Variants in HHAT observed in about 807,000 individuals in gnomAD.
HHAT encodes the protein hedgehog acyltransferase.
A neutral mutation model predicts 70.8 loss-of-function variants in HHAT; 47 were observed. That is an observed-to-expected ratio of 0.66 (90% CI 0.53 to 0.85). HHAT has a LOEUF of 0.85. Ranked by LOEUF, HHAT falls within the 40% of genes least tolerant of loss-of-function variation. HHAT has a pLI of 0.00. For missense variants in HHAT, 609 were observed against 604.8 expected (o/e 1.01, Z -0.07); for synonymous variants, 228 against 247.6 (o/e 0.92, Z 0.74).
chr1:210,435,901 A>G (rs2093364255), intron 7 of HHAT, among the ~76,000 whole-genome samples: 1 of 151,512 alleles, frequency 6.6e-6, no homozygotes, highest in Admixed American at 6.6e-5. Flanking sequence ...ATTTTCTCCC[A>G]TTCTGTGGGA....
At chr1:210,660,718 T>C (rs1179119886) in intron 11 of HHAT, among the ~76,000 whole-genome samples, 1 of 151,942 alleles carries the variant, frequency 6.6e-6, no homozygotes, top group Non-Finnish European at 1.5e-5. Context: ...AAAACAGAGA[T>C]ATAGACCAAT....
At position 210,359,883 on chromosome 1, in the gene HHAT, C is replaced by A. The variant is rs562936212; in HGVS notation, c.92-2969C>A. On this transcript the variant is annotated intron_variant, in intron 2 of 11. Coordinates refer to ENST00000261458, the MANE Select transcript of HHAT (RefSeq NM_018194.6). ...CTTCTGGGAAAAAACAAAAAAAAAACCCAGTCTCCGAATTTTTGGGAGACT... is the reference window on the plus strand; with the variant it reads ...CTTCTGGGAAAAAACAAAAAAAAAAACCAGTCTCCGAATTTTTGGGAGACT... Among the ~76,000 whole-genome samples, 35 of 150,364 alleles carry A rather than the reference C, an allele frequency of 2.3e-4. No homozygotes were observed. The East Asian group carries it at 2.4e-3, about 10-fold the overall frequency.
At chr1:210,498,762 G>GT (rs67506355) in intron 8 of HHAT, among the ~76,000 whole-genome samples, 54 of 143,664 alleles carry the variant, frequency 3.8e-4, no homozygotes, top group African/African-American at 9.5e-4. Context: ...CTTGCAGTCT[G>GT]TTTTTTTTTT....
intron 9 of HHAT, among the ~76,000 whole-genome samples, chr1:210,583,052 A>C (rs574119388): frequency 6.6e-6 from 1 of 152,310 alleles, no homozygotes; most frequent in South Asian, 2.1e-4. Context: ...GAACTACAAC[A>C]TTCTAGGAGC....
At chr1:210,614,563 C>T (rs1014038670) in intron 10 of HHAT, among the ~76,000 whole-genome samples, 1 of 152,088 alleles carries the variant, frequency 6.6e-6, no homozygotes, top group Non-Finnish European at 1.5e-5. Context: ...CCTCTCCCCT[C>T]CCCCCACCTC....
At chr1:210,598,662 G>A (rs114448295) in intron 10 of HHAT, among the ~76,000 whole-genome samples, 1,880 of 152,282 alleles carry the variant, frequency 0.012, 40 homozygotes, top group African/African-American at 0.043. Context: ...TCCCCCAAGT[G>A]TACAAGTTGT....
intron 10 of HHAT, among the ~76,000 whole-genome samples, chr1:210,615,876 C>T (rs546811155): frequency 8.1e-4 from 124 of 152,282 alleles, no homozygotes; most frequent in Middle Eastern, 3.4e-3. Context: ...TTAGGCTACT[C>T]GGGGGTCAGG....
intron 11 of HHAT, among the ~76,000 whole-genome samples, chr1:210,630,162 A>C (rs1208490686): frequency 1.3e-5 from 2 of 152,130 alleles, no homozygotes; most frequent in African/African-American, 4.8e-5. Context: ...CTCTCTTATA[A>C]TGACCTTTGT....
intron 4 of HHAT, among the ~76,000 whole-genome samples, chr1:210,389,209 T>C (rs570104983): frequency 6.6e-6 from 1 of 152,074 alleles, no homozygotes; most frequent in Admixed American, 6.6e-5. Flanking sequence ...AAAATGAACT[T>C]ATTTAGTAAT....
chr1:210,673,611 A>G (rs1452051499), intron 11 of HHAT, among the ~76,000 whole-genome samples: 2 of 147,550 alleles, frequency 1.4e-5, no homozygotes, highest in Admixed American at 6.7e-5. Context: ...TTTTAAACCA[A>G]TACTGGGTCT....
chr1:210,329,248 A>T, intron 1 of HHAT, 144 bp downstream of exon 1: 3 of 1,204,218 alleles, frequency 2.5e-6, no homozygotes, highest in Non-Finnish European at 3.1e-6. Context: ...GGCGGGACAG[A>T]GGAAGTTCCC....
intron 8 of HHAT, among the ~76,000 whole-genome samples, chr1:210,494,871 C>A (rs1041025635): frequency 2.0e-5 from 3 of 151,920 alleles, no homozygotes; most frequent in Non-Finnish European, 4.4e-5. Context: ...TTTTTGACAT[C>A]CGAGTAGAGT....
At chr1:210,523,462 T>C (rs6540602) in intron 9 of HHAT, among the ~76,000 whole-genome samples, 44,316 of 152,144 alleles carry the variant, frequency 0.29, 6,976 homozygotes, top group Middle Eastern at 0.36. Context: ...TCTTCCTGGA[T>C]GCTTTAGATC....
intron 9 of HHAT, among the ~76,000 whole-genome samples, chr1:210,584,450 A>G (rs1659981412): frequency 6.6e-6 from 1 of 152,200 alleles, no homozygotes; most frequent in South Asian, 2.1e-4. Flanking sequence ...CAGCCTCATG[A>G]TGGGCCAGCA....
chr1:210,587,915 T>G lies in HHAT; in HGVS notation c.1061T>G (p.Val354Gly). 1.2e-6 allele frequency: 2 copies of G among 1,613,926 alleles called. No homozygotes were observed. The highest frequency in any genetic ancestry group is 1.6e-4 in the Middle Eastern group (1 of 6,062). ...TTCTCTAGGTATGTGTACATTCCAG[T>G]GGGCGGGTCCCAGCATGGCCTGCTG... ...NFLIRYVYIP[V>G]GGSQHGLLGT... Residue 354 changes from valine (V) to glycine (G), a missense_variant, in exon 10 of 12, where the codon GTG becomes GGG. Coordinates refer to ENST00000261458, the MANE Select transcript of HHAT (RefSeq NM_018194.6).
intron 4 of HHAT, among the ~76,000 whole-genome samples, chr1:210,395,785 G>T (rs1357226363): frequency 6.6e-6 from 1 of 152,132 alleles, no homozygotes; most frequent in African/African-American, 2.4e-5. Context: ...CTATTTTCTT[G>T]TTTTTTCTTA....
At chr1:210,595,817 G>C (rs930105732) in intron 10 of HHAT, among the ~76,000 whole-genome samples, 1 of 150,708 alleles carries the variant, frequency 6.6e-6, no homozygotes, top group Non-Finnish European at 1.5e-5. Context: ...GGGGTTGTTT[G>C]TTTTTTTTTC....
rs371707755 is a variant in HHAT, at chr1:210,344,383, A to G, written c.-43-4550A>G. 1.9e-3 allele frequency among the ~76,000 whole-genome samples: 288 copies of G among 152,208 alleles called. 6 individuals carry two copies. The South Asian group carries it at 0.052, about 28-fold the overall frequency. ...GTTTGCACATTCTCGCTATGTCTGCAGGGGTTTTCTCTGGGTACTTGGTTT... is the reference window on the plus strand; with the variant it reads ...GTTTGCACATTCTCGCTATGTCTGCGGGGGTTTTCTCTGGGTACTTGGTTT... On this transcript the variant is annotated intron_variant, in intron 1 of 11. Coordinates refer to ENST00000261458, the MANE Select transcript of HHAT (RefSeq NM_018194.6).
chr1:210,331,039 C>T lies in HHAT; in HGVS notation c.-44+1935C>T, dbSNP rs142222439. ...ATGTCAACCAGGCTGGTCTCAAATT[C>T]CTGAGCTCGAACTCCTGAGCTCAAG... On this transcript the variant is annotated intron_variant, in intron 1 of 11. Coordinates refer to ENST00000261458, the MANE Select transcript of HHAT (RefSeq NM_018194.6). Among the ~76,000 whole-genome samples the T allele has an allele frequency of 4.1e-3, 618 of 152,178 alleles. 3 individuals are homozygous for T. The highest frequency in any genetic ancestry group is 6.2e-3 in the Non-Finnish European group (422 of 67,998).
Sources: allele counts gnomAD v4.1 joint callset (sites outside exome capture counted in the v4.1 genomes callset), GRCh38; gene constraint gnomAD v4.1.1; transcripts MANE v1.5; gene names NCBI Gene and HGNC (gene_info 2026-07-23, HGNC 2026-07-21).